The following ERI3 variants were observed in gnomAD, a reference collection of about 807,000 sequenced individuals.
The protein encoded by ERI3 is ERI1 exoribonuclease 3.
Under a neutral mutation model 44.4 loss-of-function variants are expected in ERI3, and 18 were observed. That is an observed-to-expected ratio of 0.41 (90% CI 0.28 to 0.60). The LOEUF is 0.60. Among genes scored for constraint, ERI3 ranks in the 20% least tolerant of loss-of-function variants. The pLI is 0.36. For synonymous variants in ERI3, 183 were observed against 164.8 expected (o/e 1.11, Z -0.84); for missense variants, 294 against 435.5 (o/e 0.68, Z 2.89).
At chr1:44,232,852 C>A (rs538491427) in intron 8 of ERI3, among the ~76,000 whole-genome samples, 5 of 152,070 alleles carry the variant, frequency 3.3e-5, no homozygotes, top group African/African-American at 9.7e-5. Context: ...TATTATACAG[C>A]GGTTCTATAA....
In ERI3 at chr1:44,255,887, G is replaced by A. The variant is rs557114736; in HGVS notation, c.832-7849C>T. ...GCAGTTCCTTCAGCCTGCCTAGAAC[G>A]CCCTCTGCCTTCTCCCACATTTTGT... On this transcript the variant is annotated intron_variant, in intron 7 of 8. Transcript: ENST00000372257. Among the ~76,000 whole-genome samples the A allele has an allele frequency of 3.3e-5, 5 of 152,220 alleles. No homozygotes were observed. The South Asian group carries it at 8.3e-4, about 25-fold the overall frequency.
chr1:44,335,970 C>T (rs527278189), intron 3 of ERI3, among the ~76,000 whole-genome samples: 15 of 152,118 alleles, frequency 9.9e-5, no homozygotes, highest in East Asian at 3.9e-4. Flanking sequence ...TCTTTTTTGT[C>T]CCTATTAAAA....
intron 3 of ERI3, among the ~76,000 whole-genome samples, chr1:44,323,500 T>C (rs1265627041): frequency 6.6e-6 from 1 of 152,196 alleles, no homozygotes; most frequent in Non-Finnish European, 1.5e-5. Context: ...ATTAAGCATC[T>C]ACTATTCACC....
At chr1:44,341,685 G>C (rs897004825) in intron 2 of ERI3, among the ~76,000 whole-genome samples, 3 of 152,114 alleles carry the variant, frequency 2.0e-5, no homozygotes, top group African/African-American at 7.2e-5. Flanking sequence ...CCAGGAGTTC[G>C]AAACCAGCCT....
intron 3 of ERI3, among the ~76,000 whole-genome samples, chr1:44,330,878 G>A (rs969639670): frequency 2.0e-5 from 3 of 152,192 alleles, no homozygotes; most frequent in South Asian, 4.1e-4. Context: ...TGCAGAAAGG[G>A]TCTCCTGATA....
chr1:44,233,030 C>T (rs1644222410), intron 8 of ERI3, among the ~76,000 whole-genome samples: 1 of 152,134 alleles, frequency 6.6e-6, no homozygotes, highest in Non-Finnish European at 1.5e-5. Context: ...TCACCCTTGC[C>T]TGGAAAAACC....
At chr1:44,251,898 G>C (rs1019480470) in intron 7 of ERI3, among the ~76,000 whole-genome samples, 1 of 152,210 alleles carries the variant, frequency 6.6e-6, no homozygotes, top group Admixed American at 6.5e-5. Context: ...GGGGAATGGG[G>C]ATATGGGGCC....
At chr1:44,271,001 A>G (rs1645077619) in intron 7 of ERI3, among the ~76,000 whole-genome samples, 1 of 152,206 alleles carries the variant, frequency 6.6e-6, no homozygotes, top group African/African-American at 2.4e-5. Flanking sequence ...TCTTCTGCCA[A>G]CGGTCTCAGA....
In ERI3 at chr1:44,241,768, C is replaced by CA. The variant is rs2154317471; in HGVS notation, c.931+6170dup. The CA allele has an allele frequency of 8.8e-6, 2 of 226,030 alleles. No homozygotes were observed. The highest frequency in any genetic ancestry group is 3.7e-4 in the East Asian group (2 of 5,438). 14.0% of individuals were successfully genotyped at this position (226,030 alleles called of 1,614,324 possible). On this transcript the variant is annotated intron_variant, in intron 8 of 8. Coordinates refer to ENST00000372257, the MANE Select transcript of ERI3 (RefSeq NM_024066.3). The surrounding 1 kb of genome is among the most constrained non-coding windows in gnomAD (Gnocchi z 5.6). Reference sequence around the variant, plus strand: ...GCCTGGGGCTAGGAAGGTGGGGAAACAAAGATTGTACTTCCTAAAGAATCA... The same window carrying CA: ...GCCTGGGGCTAGGAAGGTGGGGAAACAAAAGATTGTACTTCCTAAAGAATCA...
Position 44,221,398 on chromosome 1 carries a change from G to C in ERI3, c.*160C>G. The C allele has an allele frequency of 1.6e-6, 1 of 625,718 alleles. No individual in the cohort carries two copies. Among genetic ancestry groups the C allele is most frequent in the Non-Finnish European group, 2.8e-6 (1 of 359,172 alleles). 38.8% of individuals were successfully genotyped at this position (625,718 alleles called of 1,614,324 possible). ...GGGCCAAGTGGCCAAGCCCTTGCAAGGGCACAAGCCCACGCCAAGGGCATG... is the reference window on the plus strand; with the variant it reads ...GGGCCAAGTGGCCAAGCCCTTGCAACGGCACAAGCCCACGCCAAGGGCATG... On this transcript the variant is annotated 3_prime_UTR_variant, in exon 9 of 9. Transcript: ENST00000372257. The surrounding 1 kb of genome is among the most constrained non-coding windows in gnomAD (Gnocchi z 5.9).
In ERI3 at chr1:44,241,849, TACAG is replaced by T; in HGVS notation, c.931+6086_931+6089del. ...ATACATACATACATACATACATACA[TACAG>T]GAGAACCTTCTTCCATCCATCTGTC... On this transcript the variant is annotated intron_variant, in intron 8 of 8. Coordinates refer to ENST00000372257, the MANE Select transcript of ERI3 (RefSeq NM_024066.3). This position sits in a 1 kb window ranked among gnomAD's most constrained non-coding sequence, Gnocchi z 5.6. 2.1e-6 allele frequency: 1 copy of T among 467,884 alleles called. No individual in the cohort carries two copies. The highest frequency in any genetic ancestry group is 2.8e-6 in the Non-Finnish European group (1 of 358,484). 29.0% of individuals were successfully genotyped at this position (467,884 alleles called of 1,614,324 possible).
chr1:44,308,511 T>C lies in ERI3; in HGVS notation c.667-110A>G, dbSNP rs567579435. 1.3e-4 allele frequency: 110 copies of C among 875,634 alleles called. No individual in the cohort carries two copies. The African/African-American group carries it at 1.6e-3, about 13-fold the overall frequency. The allele number at this position is 875,634 out of a possible 1,614,324, so 54.2% of individuals were successfully genotyped here. A position where few individuals can be genotyped will look rare whatever the true frequency, so the allele number is the denominator to read the frequency against. On this transcript the variant is annotated intron_variant, in intron 5 of 8. Transcript: ENST00000372257. ...TGCTTGTAATCAGAACAGGAGAAAA[T>C]TGTAATCTTATCCAGCCATGGCTCC...
intron 8 of ERI3, among the ~76,000 whole-genome samples, chr1:44,238,432 G>C (rs1246489376): frequency 6.6e-6 from 1 of 152,140 alleles, no homozygotes; most frequent in Non-Finnish European, 1.5e-5. Context: ...GCAGTGGGAC[G>C]GGACAGGTCG....
intron 2 of ERI3, among the ~76,000 whole-genome samples, chr1:44,351,011 T>C (rs1646879021): frequency 6.6e-6 from 1 of 152,114 alleles, no homozygotes; most frequent in Admixed American, 6.5e-5. Flanking sequence ...CTTCAATCCA[T>C]TTTTCACAAT....
chr1:44,274,914 G>C (rs774340746), intron 7 of ERI3, among the ~76,000 whole-genome samples: 1 of 152,112 alleles, frequency 6.6e-6, no homozygotes, highest in Non-Finnish European at 1.5e-5. Context: ...TGAAGGCCCT[G>C]ATCTACTTGG....
chr1:44,286,834 G>A (rs749717591), intron 6 of ERI3, among the ~76,000 whole-genome samples: 16 of 152,162 alleles, frequency 1.1e-4, no homozygotes, highest in Non-Finnish European at 2.2e-4. Context: ...TGAGAGTCCA[G>A]AAAGCTTCCA....
At chr1:44,275,459 T>A (rs1645163800) in intron 7 of ERI3, among the ~76,000 whole-genome samples, 1 of 152,188 alleles carries the variant, frequency 6.6e-6, no homozygotes, top group African/African-American at 2.4e-5. Flanking sequence ...AGCCCTTAAT[T>A]TATTACTGCA....
At chr1:44,290,571 A>G (rs1223417274) in intron 6 of ERI3, among the ~76,000 whole-genome samples, 1 of 152,180 alleles carries the variant, frequency 6.6e-6, no homozygotes, top group Non-Finnish European at 1.5e-5. Flanking sequence ...CCAGTCAGGG[A>G]GCCCTATCTA....
Position 44,355,251 on chromosome 1 carries a change from C to G in ERI3, c.-225G>C, listed in dbSNP as rs1299789020. On this transcript the variant is annotated 5_prime_UTR_variant, in exon 1 of 9. Transcript: ENST00000372257. ...GCCAGCACCACGAGTCCACAACACA[C>G]CGACTCACCTCCGCGCACTCTGACC... 3 of 1,167,506 alleles carry G rather than the reference C, an allele frequency of 2.6e-6. No individual in the cohort carries two copies. The highest frequency in any genetic ancestry group is 3.2e-5 in the African/African-American group (2 of 62,208). The allele number at this position is 1,167,506 out of a possible 1,614,324, so 72.3% of individuals were successfully genotyped here. A position where few individuals can be genotyped will look rare whatever the true frequency, so the allele number is the denominator to read the frequency against.
Sources: allele counts gnomAD v4.1 joint callset (sites outside exome capture counted in the v4.1 genomes callset), GRCh38; gene constraint gnomAD v4.1.1; non-coding constraint Gnocchi (gnomAD v3.1); transcripts MANE v1.5; gene names NCBI Gene and HGNC (gene_info 2026-07-23, HGNC 2026-07-21).